PASD1: variants seen among roughly 807,000 people sequenced by gnomAD.
The protein encoded by PASD1 is PAS domain containing repressor 1.
A neutral mutation model predicts 58.8 loss-of-function variants in PASD1; 13 were observed. The observed-to-expected ratio is 0.22, with a 90% CI of 0.14 to 0.35. The LOEUF is 0.35. Ranked by LOEUF, PASD1 falls within the 10% of genes least tolerant of loss-of-function variation. The probability of loss-of-function intolerance (pLI) is 1.00; values close to 1 mark genes in which losing one functional copy is unlikely to be tolerated. For synonymous variants in PASD1, 236 were observed against 216.7 expected, an observed-to-expected ratio of 1.09 and a Z score of -0.78; for missense variants, 734 against 568.3, an observed-to-expected ratio of 1.29 and a Z score of -2.96.
Position 151,672,343 on chromosome X carries a change from A to G in PASD1, c.1598A>G (p.Gln533Arg), listed in dbSNP as rs1374106082. 6.8e-6 allele frequency: 8 copies of G among 1,183,294 alleles called. No individual in the cohort carries two copies. The highest frequency in any genetic ancestry group is 9.1e-6 in the Non-Finnish European group (8 of 881,935). The change falls in exon 14 of 16, where the codon CAG becomes CGG. Residue 533 changes from glutamine (Q) to arginine (R), a missense_variant. Gln to Arg is a conservative substitution (Grantham distance 43). Transcript: ENST00000370357. ...AAAATGCAGGAGAAGAAGAAGCTGC[A>G]GGAGCAGAGGCGGCAAAAGAAGAAG... is the stretch of plus-strand genomic sequence containing the variant. Reference protein sequence around the residue: ...EQKMQEKKKLQEQRRQKKKKL... With the variant: ...EQKMQEKKKLREQRRQKKKKL...
intron 9 of PASD1, among the ~76,000 whole-genome samples, chrX:151,652,420 C>G: frequency 9.1e-6 from 1 of 109,771 alleles, no homozygotes. Flanking sequence ...GTAGTCCCAG[C>G]TACTCAGGAG....
rs771325549 is a variant in PASD1, at chrX:151,574,235, G to C, written c.-28+10396G>C. 7.3e-4 allele frequency among the ~76,000 whole-genome samples: 82 copies of C among 112,575 alleles called. 1 individual carries two copies. The highest frequency in any genetic ancestry group is 2.6e-3 in the African/African-American group (81 of 31,039). ...TGGGCACCTAGCCAGGTTCTTGCCA[G>C]ATGCTCCTTGGCTGATGTGAATGAA... On this transcript the variant is annotated intron_variant, in intron 1 of 15. Coordinates refer to ENST00000370357, the MANE Select transcript of PASD1 (RefSeq NM_173493.3).
At chrX:151,606,661 G>A (rs2013492871) in intron 3 of PASD1, among the ~76,000 whole-genome samples, 1 of 111,119 alleles carries the variant, frequency 9.0e-6, no homozygotes, top group Non-Finnish European at 1.9e-5. Context: ...CTGTTGAGTA[G>A]CACAGCCGAG....
rs188158844 is a variant in PASD1, at chrX:151,613,793, C to T, written c.207+2040C>T. 3.4e-3 allele frequency among the ~76,000 whole-genome samples: 379 copies of T among 111,530 alleles called. 4 individuals are homozygous for T. Among genetic ancestry groups the T allele is most frequent in the African/African-American group, 0.012 (362 of 30,628 alleles). Reference sequence around the variant, plus strand: ...TCAAAATGTGTCCCTGTTTTATTGTCATTTCCATTGGTTTCAGAGTACTAT... The same window carrying T: ...TCAAAATGTGTCCCTGTTTTATTGTTATTTCCATTGGTTTCAGAGTACTAT... On this transcript the variant is annotated intron_variant, in intron 4 of 15. Transcript: ENST00000370357.
Position 151,672,240 on chromosome X carries a change from CAG to C in PASD1, c.1496_1497del (p.Gln499ProfsTer76), listed in dbSNP as rs758318949. On this transcript the variant is annotated frameshift_variant, in exon 14 of 16. Coordinates refer to ENST00000370357, the MANE Select transcript of PASD1 (RefSeq NM_173493.3). LOFTEE classifies it high-confidence loss of function. Reference protein sequence around the residue: ...LKEQQRQLREQLQQLREQRKV... With the variant: ...LKEQQRQLREXLQQLREQRKV... ...GGAGCAGCAGCGGCAGCTGCGGGAG[CAG>C]CTGCAACAGCTGAGAGAGCAAAGGA... The C allele has an allele frequency of 8.0e-5, 93 of 1,163,235 alleles. No individual in the cohort carries two copies. Among genetic ancestry groups the C allele is most frequent in the Non-Finnish European group, 9.6e-5 (84 of 872,092 alleles).
Position 151,672,668 on chromosome X carries a change from C to T in PASD1, c.1916+7C>T. 8.3e-7 allele frequency: 1 copy of T among 1,209,276 alleles called. No homozygotes were observed. Among genetic ancestry groups the T allele is most frequent in the Non-Finnish European group, 1.1e-6 (1 of 894,148 alleles). On this transcript the variant is annotated splice_region_variant and intron_variant, in intron 14 of 15. Transcript: ENST00000370357. ...AGGAAGATGAGAGTCAAAGGTAAGA[C>T]ATGCATGGAATGGTGATAGTGGCTA...
intron 10 of PASD1, among the ~76,000 whole-genome samples, chrX:151,661,785 T>C (rs957978429): frequency 9.0e-6 from 1 of 111,284 alleles, no homozygotes; most frequent in Non-Finnish European, 1.9e-5. Context: ...CCGATACTTT[T>C]GAAGGATATG....
intron 8 of PASD1, among the ~76,000 whole-genome samples, chrX:151,629,311 G>T (rs1194051814): frequency 9.1e-6 from 1 of 110,429 alleles, no homozygotes; most frequent in Non-Finnish European, 1.9e-5. Flanking sequence ...GTAGGGACGG[G>T]GTTTCACCAT....
intron 3 of PASD1, among the ~76,000 whole-genome samples, chrX:151,610,351 T>C (rs1341650328): frequency 9.0e-6 from 1 of 111,695 alleles, no homozygotes; most frequent in Non-Finnish European, 1.9e-5. Context: ...AAGTTTCTAA[T>C]TTTGATGACA....
At chrX:151,592,116 G>T (rs1292767636) in intron 1 of PASD1, among the ~76,000 whole-genome samples, 1 of 111,951 alleles carries the variant, frequency 8.9e-6, no homozygotes, top group African/African-American at 3.2e-5. Flanking sequence ...CAAAGTTATT[G>T]TAGGTATTTT....
chrX:151,583,768 C>T (rs1602909130), intron 1 of PASD1, among the ~76,000 whole-genome samples: 1 of 111,836 alleles, frequency 8.9e-6, no homozygotes, highest in Middle Eastern at 4.7e-3. Context: ...ATTGCTAAGG[C>T]TGGCTCGGAG....
In PASD1 at chrX:151,648,720, C is replaced by T. The variant is rs1309554125; in HGVS notation, c.717+18C>T. The T allele has an allele frequency of 1.7e-6, 2 of 1,201,581 alleles. No homozygotes were observed. The highest frequency in any genetic ancestry group is 1.7e-5 in the African/African-American group (1 of 57,391). ...TCTCAGACGTATGTACATTGAGGAC[C>T]ATAGACTACAATCTTAGACCCTTAT... On this transcript the variant is annotated intron_variant, in intron 9 of 15. Coordinates refer to ENST00000370357, the MANE Select transcript of PASD1 (RefSeq NM_173493.3).
intron 3 of PASD1, among the ~76,000 whole-genome samples, chrX:151,608,436 T>A (rs976448119): frequency 8.9e-6 from 1 of 111,803 alleles, no homozygotes; most frequent in Non-Finnish European, 1.9e-5. Context: ...TGGAAACGAA[T>A]CACTTGCTAG....
intron 1 of PASD1, among the ~76,000 whole-genome samples, chrX:151,597,611 A>G (rs62609267): frequency 0.014 from 1,612 of 112,345 alleles, 16 homozygotes; most frequent in Middle Eastern, 0.032. Flanking sequence ...AAAGCATTTT[A>G]AGATTTCTGT....
intron 1 of PASD1, among the ~76,000 whole-genome samples, chrX:151,591,347 C>T (rs1249357682): frequency 9.9e-5 from 11 of 111,521 alleles, no homozygotes; most frequent in Middle Eastern, 4.6e-3. Flanking sequence ...ATCTATCATA[C>T]GTTTTTCCAG....
intron 1 of PASD1, among the ~76,000 whole-genome samples, chrX:151,584,213 ATCC>A (rs2013136115): frequency 9.0e-6 from 1 of 111,719 alleles, no homozygotes; most frequent in Non-Finnish European, 1.9e-5. Flanking sequence ...CAGACAATAC[ATCC>A]AGAAGAAAAG....
chrX:151,609,718 A>C (rs2013530284), intron 3 of PASD1, among the ~76,000 whole-genome samples: 1 of 110,401 alleles, frequency 9.1e-6, no homozygotes, highest in African/African-American at 3.3e-5. Flanking sequence ...GGACACTTAG[A>C]TTGTTTACAC....
intron 8 of PASD1, among the ~76,000 whole-genome samples, chrX:151,626,295 ATTTG>A (rs1405783243): frequency 8.9e-6 from 1 of 111,901 alleles, no homozygotes; most frequent in Non-Finnish European, 1.9e-5. Context: ...GTTCTTTAAA[ATTTG>A]TTTACTAACA....
intron 1 of PASD1, among the ~76,000 whole-genome samples, chrX:151,591,187 A>G (rs762355659): frequency 8.9e-6 from 1 of 111,850 alleles, no homozygotes; most frequent in Non-Finnish European, 1.9e-5. Flanking sequence ...TGATACATCT[A>G]TATTATCATA....
Sources: gnomAD v4.1 joint callset for allele counts (sites outside exome capture counted in the v4.1 genomes callset) on GRCh38, gnomAD v4.1.1 for gene constraint, MANE v1.5 for transcripts, NCBI Gene and HGNC (gene_info 2026-07-23, HGNC 2026-07-21) for gene names.